The following DERA variants were observed in gnomAD, a reference collection of about 807,000 sequenced individuals.
The protein encoded by DERA is 2-deoxy-D-ribose 5-phosphate aldolase.
Under a neutral mutation model 41.1 loss-of-function variants are expected in DERA, and 15 were observed. That is an observed-to-expected ratio of 0.37 (90% CI 0.24 to 0.56). The LOEUF is 0.56. DERA is among the 20% of genes least tolerant of loss of function. The probability of loss-of-function intolerance (pLI) is 0.81; values close to 1 mark genes in which losing one functional copy is unlikely to be tolerated. For missense variants in DERA, 396 were observed against 403.4 expected (o/e 0.98, Z 0.16); for synonymous variants, 139 against 137.4 (o/e 1.01, Z -0.08).
chr12:16,028,870 A>G (rs1372552418), intron 6 of DERA, among the ~76,000 whole-genome samples: 1 of 152,144 alleles, frequency 6.6e-6, no homozygotes, highest in Non-Finnish European at 1.5e-5. Context: ...AATCTAAGAA[A>G]CTATCACAGC....
chr12:16,015,446 C>T (rs1471877999), intron 6 of DERA, among the ~76,000 whole-genome samples: 1 of 152,236 alleles, frequency 6.6e-6, no homozygotes, highest in Non-Finnish European at 1.5e-5. Context: ...ACATCTCCTT[C>T]TTGTCCCTTT....
At position 16,020,771 on chromosome 12, in the gene DERA, G is replaced by A. The variant is rs1477589159; in HGVS notation, c.638-11771G>A. Among the ~76,000 whole-genome samples, 1 of 152,202 alleles carries A rather than the reference G, an allele frequency of 6.6e-6. No individual in the cohort carries two copies. Among genetic ancestry groups the A allele is most frequent in the Non-Finnish European group, 1.5e-5 (1 of 68,042 alleles). ...AATGAGGAAGTTATTGAGAACTGGA[G>A]TGAAGGTCACCCCTGTTATGTCCTA... On this transcript the variant is annotated intron_variant, in intron 6 of 8. Transcript: ENST00000428559. The surrounding 1 kb of genome is among the most constrained non-coding windows in gnomAD (Gnocchi z 5.5).
Position 16,015,740 on chromosome 12 carries a change from G to T in DERA, c.638-16802G>T, listed in dbSNP as rs1289957361. Among the ~76,000 whole-genome samples the T allele has an allele frequency of 2.6e-5, 4 of 152,174 alleles. No homozygotes were observed. The East Asian group carries it at 7.7e-4, about 29-fold the overall frequency. On this transcript the variant is annotated intron_variant, in intron 6 of 8. Coordinates refer to ENST00000428559, the MANE Select transcript of DERA (RefSeq NM_015954.4). ...TGGATTATGGATGTCATATTTGGCA[G>T]CTAATGGGAAACCATGTCCAGAGAA...
rs187765677 is a variant in DERA at position 15,954,223 on chromosome 12, A to G, written c.32-2713A>G. ...CTAGTCTGAAGCAGTGGAGAAAGAC[A>G]TTGCCCAGAATTAAATCCTTTCTGG... is the stretch of plus-strand genomic sequence containing the variant. On this transcript the variant is annotated intron_variant, in intron 1 of 8. Transcript: ENST00000428559. This position sits in a 1 kb window ranked among gnomAD's most constrained non-coding sequence, Gnocchi z 4.0. Among the ~76,000 whole-genome samples the G allele has an allele frequency of 2.6e-5, 4 of 152,320 alleles. No individual in the cohort carries two copies. In the East Asian group the frequency reaches 7.7e-4, roughly 29 times the overall value.
At position 15,935,076 on chromosome 12, in the gene DERA, C is replaced by T. The variant is rs1408450902; in HGVS notation, c.32-21860C>T. On this transcript the variant is annotated intron_variant, in intron 1 of 8. Coordinates refer to ENST00000428559, the MANE Select transcript of DERA (RefSeq NM_015954.4). The surrounding 1 kb of genome is among the most constrained non-coding windows in gnomAD (Gnocchi z 4.8). ...CTCTTTGGAGGAGAGTTTGGAAAAACAATTGACAGACATCAAGTTAAGGTT... is the reference window on the plus strand; with the variant it reads ...CTCTTTGGAGGAGAGTTTGGAAAAATAATTGACAGACATCAAGTTAAGGTT... Among the ~76,000 whole-genome samples the T allele has an allele frequency of 1.3e-5, 2 of 152,134 alleles. No individual in the cohort carries two copies. Among genetic ancestry groups the T allele is most frequent in the East Asian group, 3.8e-4 (2 of 5,198 alleles).
rs539462703 is a variant in DERA, at chr12:15,941,375, AT to A, written c.32-15551del. Among the ~76,000 whole-genome samples the A allele has an allele frequency of 2.9e-4, 44 of 150,228 alleles. No homozygotes were observed. Among genetic ancestry groups the A allele is most frequent in the African/African-American group, 9.5e-4 (39 of 41,018 alleles). ...AAGGACTTAGCCGTCTGTAGCCACA[AT>A]TTTTTTTTTAATTTCAATAGTTTTT... On this transcript the variant is annotated intron_variant, in intron 1 of 8. Transcript: ENST00000428559. This position sits in a 1 kb window ranked among gnomAD's most constrained non-coding sequence, Gnocchi z 4.5.
chr12:15,964,811 A>C (rs1440515707), intron 5 of DERA, among the ~76,000 whole-genome samples: 1 of 152,230 alleles, frequency 6.6e-6, no homozygotes, highest in African/African-American at 2.4e-5. Context: ...TAATTGGAAA[A>C]TAAAATACAA....
At chr12:15,926,619 C>G (rs1948286500) in intron 1 of DERA, among the ~76,000 whole-genome samples, 1 of 151,948 alleles carries the variant, frequency 6.6e-6, no homozygotes, top group African/African-American at 2.4e-5. Flanking sequence ...GCCTGTAGTC[C>G]CAGCTACTCG....
Position 15,982,259 on chromosome 12 carries a change from T to C in DERA, c.509-49T>C, listed in dbSNP as rs1948737189. The stretch of plus-strand genomic sequence containing the variant: ...CCAGCTCTAAACGGCTGCCAAGTTA[T>C]GTTATCACTTGCCTGCTTTGTAACT... On this transcript the variant is annotated intron_variant, in intron 5 of 8. Transcript: ENST00000428559. This position sits in a 1 kb window ranked among gnomAD's most constrained non-coding sequence, Gnocchi z 4.0. 2 of 1,576,660 alleles carry C rather than the reference T, an allele frequency of 1.3e-6. No homozygotes were observed. Among genetic ancestry groups the C allele is most frequent in the African/African-American group, 1.4e-5 (1 of 73,262 alleles).
rs549730549 is a variant in DERA at position 15,926,385 on chromosome 12, C to T, written c.31+14971C>T. On this transcript the variant is annotated intron_variant, in intron 1 of 8. Coordinates refer to ENST00000428559, the MANE Select transcript of DERA (RefSeq NM_015954.4). The stretch of plus-strand genomic sequence containing the variant: ...CCTCCCCTGTGATCAGGCTCTCATT[C>T]GTCTATCATAGCAATTTCCACTTCA... 5.8e-4 allele frequency among the ~76,000 whole-genome samples: 88 copies of T among 152,154 alleles called. 1 individual carries two copies. The highest frequency in any genetic ancestry group is 3.4e-3 in the Middle Eastern group (1 of 294).
intron 6 of DERA, among the ~76,000 whole-genome samples, chr12:16,023,948 C>G (rs1949036667): frequency 6.6e-6 from 1 of 151,864 alleles, no homozygotes; most frequent in Admixed American, 6.6e-5. Flanking sequence ...GAGATGGAAA[C>G]TAAGTAAGAA....
chr12:15,968,933 G>T (rs1948641991), intron 5 of DERA, among the ~76,000 whole-genome samples: 1 of 152,144 alleles, frequency 6.6e-6, no homozygotes, highest in South Asian at 2.1e-4. Flanking sequence ...TTTATACCTA[G>T]ACCTTGGGTA....
At chr12:15,949,785 G>A (rs371008958) in intron 1 of DERA, among the ~76,000 whole-genome samples, 16 of 152,166 alleles carry the variant, frequency 1.1e-4, no homozygotes, top group Admixed American at 2.0e-4. Flanking sequence ...CGTCTTCTGC[G>A]TTGCTCATGC....
At chr12:15,955,369 G>A (rs1228345103) in intron 1 of DERA, among the ~76,000 whole-genome samples, 1 of 151,828 alleles carries the variant, frequency 6.6e-6, no homozygotes, top group Non-Finnish European at 1.5e-5. Context: ...AAATTGGGAC[G>A]AAGTCTAGAG....
chr12:16,035,987 G>C lies in DERA; in HGVS notation c.751-245G>C, dbSNP rs1242585784. Reference sequence around the variant, plus strand: ...TTCCAATAAGTGAAATGTTAATGAGGGTTATTAACCCTCACTAGTGTCTGT... The same window carrying C: ...TTCCAATAAGTGAAATGTTAATGAGCGTTATTAACCCTCACTAGTGTCTGT... On this transcript the variant is annotated intron_variant, in intron 7 of 8. Coordinates refer to ENST00000428559, the MANE Select transcript of DERA (RefSeq NM_015954.4). This position sits in a 1 kb window ranked among gnomAD's most constrained non-coding sequence, Gnocchi z 4.1. 6.6e-6 allele frequency among the ~76,000 whole-genome samples: 1 copy of C among 151,982 alleles called. No individual in the cohort carries two copies. Among genetic ancestry groups the C allele is most frequent in the East Asian group, 1.9e-4 (1 of 5,176 alleles).
At chr12:15,946,744 C>T (rs1329519925) in intron 1 of DERA, among the ~76,000 whole-genome samples, 4 of 152,066 alleles carry the variant, frequency 2.6e-5, no homozygotes, top group Admixed American at 6.6e-5. Context: ...GCTCTGATCT[C>T]AGTTATTTTT....
At chr12:16,032,294 T>C (rs1457997449) in intron 6 of DERA, among the ~76,000 whole-genome samples, 1 of 152,170 alleles carries the variant, frequency 6.6e-6, no homozygotes, top group Non-Finnish European at 1.5e-5. Context: ...ATTGTGGAAA[T>C]ATGGAGGCAA....
intron 5 of DERA, among the ~76,000 whole-genome samples, chr12:15,963,507 C>T (rs574684047): frequency 6.6e-6 from 1 of 152,256 alleles, no homozygotes; most frequent in South Asian, 2.1e-4. Flanking sequence ...AGACATTGCC[C>T]TTTCCAGCAA....
chr12:15,947,633 G>T (rs1305587589), intron 1 of DERA, among the ~76,000 whole-genome samples: 1 of 152,134 alleles, frequency 6.6e-6, no homozygotes, highest in Non-Finnish European at 1.5e-5. Context: ...CCTGAATACA[G>T]CACATTGATG....
Sources: gnomAD v4.1 joint callset for allele counts (sites outside exome capture counted in the v4.1 genomes callset) on GRCh38, gnomAD v4.1.1 for gene constraint, Gnocchi (gnomAD v3.1) non-coding constraint, MANE v1.5 for transcripts, NCBI Gene and HGNC (gene_info 2026-07-23, HGNC 2026-07-21) for gene names.